The following M1AP variants were observed in gnomAD, a reference collection of about 807,000 sequenced individuals.
M1AP encodes the protein meiosis 1 arrest protein.
Under a neutral mutation model 51.2 loss-of-function variants are expected in M1AP, and 39 were observed. That is an observed-to-expected ratio of 0.76 (90% CI 0.59 to 1.00). The LOEUF is 1.00. Ranked by LOEUF, M1AP falls within the 50% of genes least tolerant of loss-of-function variation. The pLI is 0.00. For synonymous variants in M1AP, 251 were observed against 249.2 expected, an observed-to-expected ratio of 1.01 and a Z score of -0.07; for missense variants, 545 against 641.2, an observed-to-expected ratio of 0.85 and a Z score of 1.62.
intron 8 of M1AP, among the ~76,000 whole-genome samples, chr2:74,561,547 C>A (rs1678013933): frequency 6.6e-6 from 1 of 152,204 alleles, no homozygotes; most frequent in Non-Finnish European, 1.5e-5. Flanking sequence ...CAAAAACACA[C>A]AAAGACACGA....
intron 2 of M1AP, among the ~76,000 whole-genome samples, chr2:74,625,324 C>T (rs988508275): frequency 2.0e-5 from 3 of 152,086 alleles, no homozygotes; most frequent in Non-Finnish European, 2.9e-5. Flanking sequence ...ATTAACTCTA[C>T]ATGATATGAG....
intron 7 of M1AP, among the ~76,000 whole-genome samples, chr2:74,569,858 T>A (rs1268774597): frequency 1.3e-5 from 2 of 151,744 alleles, no homozygotes; most frequent in African/African-American, 4.8e-5. Context: ...GAACAGGGAC[T>A]GAGGAGGTAG....
intron 3 of M1AP, among the ~76,000 whole-genome samples, chr2:74,614,510 TCTGGCA>T (rs1423693930): frequency 6.6e-6 from 1 of 152,214 alleles, no homozygotes; most frequent in East Asian, 1.9e-4. Context: ...ATTGGCTCAG[TCTGGCA>T]CTCTTGTATT....
Position 74,610,404 on chromosome 2 carries a change from T to G in M1AP, c.427-3181A>C, listed in dbSNP as rs190883801. Among the ~76,000 whole-genome samples, 651 of 152,290 alleles carry G rather than the reference T, an allele frequency of 4.3e-3. 7 individuals are homozygous for G. Among genetic ancestry groups the G allele is most frequent in the African/African-American group, 0.015 (622 of 41,546 alleles). ...TTTTTGCTTTTGTTGCCTGTGCTTTTGAGGTCTTATTAAAAAAAATCCTTG... is the reference window on the plus strand; with the variant it reads ...TTTTTGCTTTTGTTGCCTGTGCTTTGGAGGTCTTATTAAAAAAAATCCTTG... On this transcript the variant is annotated intron_variant, in intron 3 of 10. Coordinates refer to ENST00000421985, the MANE Select transcript of M1AP (RefSeq NM_001321739.2).
At chr2:74,644,436 A>G (rs558577748) in intron 1 of M1AP, among the ~76,000 whole-genome samples, 1 of 151,972 alleles carries the variant, frequency 6.6e-6, no homozygotes, top group South Asian at 2.1e-4. Flanking sequence ...TACTCAGGAG[A>G]CTGAGGCAGG....
chr2:74,599,251 T>C (rs1393160884), intron 4 of M1AP, among the ~76,000 whole-genome samples: 1 of 152,086 alleles, frequency 6.6e-6, no homozygotes, highest in Non-Finnish European at 1.5e-5. Context: ...TGCAGTCCAG[T>C]TTGAGTGACA....
rs377376287 is a variant in M1AP at position 74,600,378 on chromosome 2, T to C, written c.595+6677A>G. On this transcript the variant is annotated intron_variant, in intron 4 of 10. Transcript: ENST00000421985. ...GAGACTGGCTTTAGTTCACATATCT[T>C]TTCCTCAAGGCTCAGAATTTATTTA... Among the ~76,000 whole-genome samples the C allele has an allele frequency of 5.3e-4, 81 of 152,350 alleles. 1 individual carries two copies. In the South Asian group the frequency reaches 0.011, roughly 21 times the overall value.
chr2:74,645,317 A>G (rs1193202365), intron 1 of M1AP, among the ~76,000 whole-genome samples: 2 of 152,096 alleles, frequency 1.3e-5, no homozygotes. Flanking sequence ...GAACTGTAAC[A>G]CCGCCAGGGT....
At position 74,573,816 on chromosome 2, in the gene M1AP, C is replaced by T. The variant is rs190915966; in HGVS notation, c.1074+1622G>A. The stretch of plus-strand genomic sequence containing the variant: ...AGCAAAAGGAAAGGGTATCATTTTC[C>T]GGAAAATTTACATCCTCTCTAGCAG... On this transcript the variant is annotated intron_variant, in intron 7 of 10. Transcript: ENST00000421985. Among the ~76,000 whole-genome samples the T allele has an allele frequency of 3.3e-3, 508 of 152,020 alleles. 3 individuals carry two copies. The highest frequency in any genetic ancestry group is 5.6e-3 in the South Asian group (27 of 4,814).
At chr2:74,561,982 T>C (rs1678047421) in intron 8 of M1AP, 1 of 985,434 alleles carries the variant, frequency 1.0e-6, no homozygotes, top group South Asian at 4.7e-5. Flanking sequence ...CCCAGTTTTT[T>C]GTTCTCAAAC....
At position 74,604,721 on chromosome 2, in the gene M1AP, T is replaced by C. The variant is rs115216599; in HGVS notation, c.595+2334A>G. ...ATTTCTTCTTTTAGGAAGTGTAGGA[T>C]TGTGGGTAACTTAGATTTACTTATT... is the stretch of plus-strand genomic sequence containing the variant. On this transcript the variant is annotated intron_variant, in intron 4 of 10. Transcript: ENST00000421985. 2.3e-3 allele frequency among the ~76,000 whole-genome samples: 354 copies of C among 152,312 alleles called. 2 individuals are homozygous for C. The highest frequency in any genetic ancestry group is 7.7e-3 in the African/African-American group (321 of 41,568).
At chr2:74,597,770 C>A (rs1680426870) in intron 4 of M1AP, among the ~76,000 whole-genome samples, 1 of 152,186 alleles carries the variant, frequency 6.6e-6, no homozygotes, top group African/African-American at 2.4e-5. Flanking sequence ...CCAGTGAGTG[C>A]AGACTGCTGT....
chr2:74,645,751 G>A (rs1294086926), intron 1 of M1AP, among the ~76,000 whole-genome samples: 1 of 152,184 alleles, frequency 6.6e-6, no homozygotes, highest in African/African-American at 2.4e-5. Context: ...CTATGGGGTA[G>A]CCCTGCTCCA....
rs577881283 is a variant in M1AP at position 74,589,077 on chromosome 2, T to C, written c.596-7230A>G. 4.2e-4 allele frequency among the ~76,000 whole-genome samples: 64 copies of C among 152,354 alleles called. 1 individual carries two copies. Among genetic ancestry groups the C allele is most frequent in the African/African-American group, 1.4e-3 (57 of 41,592 alleles). ...GCGTGTGTGTGTGCACGCGCGCGCG[T>C]GCATGCATGTGAAGTTTTAGCTTGG... On this transcript the variant is annotated intron_variant, in intron 4 of 10. Coordinates refer to ENST00000421985, the MANE Select transcript of M1AP (RefSeq NM_001321739.2).
intron 2 of M1AP, among the ~76,000 whole-genome samples, chr2:74,621,456 A>G (rs1040110761): frequency 6.6e-6 from 1 of 152,064 alleles, no homozygotes; most frequent in Non-Finnish European, 1.5e-5. Flanking sequence ...TTTGTTGTCC[A>G]TGTAAAATAC....
At chr2:74,621,958 A>C (rs1682073054) in intron 2 of M1AP, among the ~76,000 whole-genome samples, 1 of 150,016 alleles carries the variant, frequency 6.7e-6, no homozygotes, top group Non-Finnish European at 1.5e-5. Context: ...AAAAAAAAAA[A>C]AAAATACAAA....
intron 4 of M1AP, among the ~76,000 whole-genome samples, chr2:74,586,882 A>G (rs1412338329): frequency 1.3e-5 from 2 of 152,138 alleles, no homozygotes; most frequent in East Asian, 3.9e-4. Flanking sequence ...CATGCCTGTA[A>G]TCCCAGCTAC....
chr2:74,629,087 C>A, intron 2 of M1AP: 1 of 157,438 alleles, frequency 6.4e-6, no homozygotes, highest in Non-Finnish European at 1.4e-5. Context: ...CTATCTGTTT[C>A]TGTTTTATTA....
At chr2:74,591,431 C>A (rs1573108280) in intron 4 of M1AP, among the ~76,000 whole-genome samples, 1 of 152,228 alleles carries the variant, frequency 6.6e-6, no homozygotes, top group East Asian at 1.9e-4. Flanking sequence ...GGGACTAATA[C>A]ATATATTCTA....
Sources: allele counts gnomAD v4.1 joint callset (sites outside exome capture counted in the v4.1 genomes callset), GRCh38; gene constraint gnomAD v4.1.1; transcripts MANE v1.5; gene names NCBI Gene and HGNC (gene_info 2026-07-23, HGNC 2026-07-21).